The following ROBO3 variants were observed in gnomAD, a reference collection of about 807,000 sequenced individuals.
ROBO3 encodes the protein roundabout guidance receptor 3.
ROBO3 carries 97 observed loss-of-function variants against 160.5 expected under a neutral mutation model. The observed-to-expected ratio is 0.60, with a 90% CI of 0.51 to 0.72. ROBO3 has a LOEUF of 0.72. Ranked by LOEUF, ROBO3 falls within the 30% of genes least tolerant of loss-of-function variation. ROBO3 has a pLI of 0.00. For synonymous variants in ROBO3, 780 were observed against 746.2 expected (o/e 1.05, Z -0.74); for missense variants, 1,858 against 1,846.5 (o/e 1.01, Z -0.11).
chr11:124,874,713 T>C lies in ROBO3; in HGVS notation c.1952-75T>C, dbSNP rs1591513602. ...AGTACTAAGTGGAGCAGGGCAGAGG[T>C]AGGACACGAGCACACTCTCAGCCCT... On this transcript the variant is annotated intron_variant, in intron 12 of 27. Transcript: ENST00000397801. 1.1e-5 allele frequency: 16 copies of C among 1,498,680 alleles called. No homozygotes were observed. In the East Asian group the frequency reaches 3.8e-4, roughly 36 times the overall value. 92.8% of individuals were successfully genotyped at this position (1,498,680 alleles called of 1,614,324 possible). A position where few individuals can be genotyped will look rare whatever the true frequency, so the allele number is the denominator to read the frequency against.
At position 124,878,280 on chromosome 11, in the gene ROBO3, C is replaced by G. The variant is rs774769738; in HGVS notation, c.3182-18C>G. On this transcript the variant is annotated intron_variant, in intron 21 of 27. Coordinates refer to ENST00000397801, the MANE Select transcript of ROBO3 (RefSeq NM_022370.4). This position sits in a 1 kb window ranked among gnomAD's most constrained non-coding sequence, Gnocchi z 4.3. ...TTTCCTGCCTGTTCTCCGGGTGTCC[C>G]CATCCTATTCTCCTCAGGAGCCAAG... 4 of 1,611,354 alleles carry G rather than the reference C, an allele frequency of 2.5e-6. No individual in the cohort carries two copies. Among genetic ancestry groups the G allele is most frequent in the Admixed American group, 1.7e-5 (1 of 59,684 alleles).
At position 124,876,722 on chromosome 11, in the gene ROBO3, A is replaced by G. The variant is rs1045134645; in HGVS notation, c.2779+262A>G. ...CACGAGGAGGCCAGGCTTTGCAACC[A>G]TCTCCATAAAGAAGGGGCAAGTTCG... On this transcript the variant is annotated intron_variant, in intron 17 of 27. Coordinates refer to ENST00000397801, the MANE Select transcript of ROBO3 (RefSeq NM_022370.4). This position sits in a 1 kb window ranked among gnomAD's most constrained non-coding sequence, Gnocchi z 5.3. The G allele has an allele frequency of 7.8e-5, 22 of 281,398 alleles. No homozygotes were observed. The highest frequency in any genetic ancestry group is 5.1e-4 in the African/African-American group (22 of 42,936). The allele number at this position is 281,398 out of a possible 1,614,324, so 17.4% of individuals were successfully genotyped here. A position where few individuals can be genotyped will look rare whatever the true frequency, so the allele number is the denominator to read the frequency against.
intron 1 of ROBO3, among the ~76,000 whole-genome samples, chr11:124,867,280 T>A (rs1316903370): frequency 6.6e-6 from 1 of 152,212 alleles, no homozygotes; most frequent in Non-Finnish European, 1.5e-5. Flanking sequence ...GGCAGAGTAG[T>A]GACGTTTATC....
At position 124,878,163 on chromosome 11, in the gene ROBO3, C is replaced by A. The variant is rs1946451637; in HGVS notation, c.3181+32C>A. 2 of 1,581,582 alleles carry A rather than the reference C, an allele frequency of 1.3e-6. No homozygotes were observed. Among genetic ancestry groups the A allele is most frequent in the Non-Finnish European group, 1.7e-6 (2 of 1,162,598 alleles). On this transcript the variant is annotated intron_variant, in intron 21 of 27. Coordinates refer to ENST00000397801, the MANE Select transcript of ROBO3 (RefSeq NM_022370.4). The surrounding 1 kb of genome is among the most constrained non-coding windows in gnomAD (Gnocchi z 4.3). ...CTCCAACTCCTGAAACCCCGTTTAG[C>A]CCTGACCAGGGTATCCCCAAAGAGG...
chr11:124,871,119 G>A lies in ROBO3; in HGVS notation c.1139G>A (p.Trp380Ter), dbSNP rs1946275711. 1.9e-6 allele frequency: 3 copies of A among 1,613,272 alleles called. No individual in the cohort carries two copies. Among genetic ancestry groups the A allele is most frequent in the Non-Finnish European group, 2.5e-6 (3 of 1,179,514 alleles). The change falls in exon 7 of 28, where the codon TGG becomes TAG. Residue 380 changes from tryptophan (W) to a stop codon, truncating the protein, a stop_gained. Transcript: ENST00000397801. LOFTEE classifies it high-confidence loss of function. ...GGAAACCCCCCACCTGCCATCTTCT[G>A]GCAGAAGGAGGGGAGTCAGGTGGGT... ...TKGNPPPAIFWQKEGSQVLLF... is the reference protein window; with the variant it reads ...TKGNPPPAIF
Position 124,869,057 on chromosome 11 carries a change from G to T in ROBO3, c.416G>T (p.Gly139Val), listed in dbSNP as rs1946243211. 6.2e-7 allele frequency: 1 copy of T among 1,603,624 alleles called. No individual in the cohort carries two copies. Among genetic ancestry groups the T allele is most frequent in the Non-Finnish European group, 8.5e-7 (1 of 1,175,572 alleles). The change falls in exon 2 of 28, where the codon GGT becomes GTT. Residue 139 changes from glycine to valine, a missense_variant. By Grantham distance (109) the Gly-to-Val change is moderately radical. Coordinates refer to ENST00000397801, the MANE Select transcript of ROBO3 (RefSeq NM_022370.4). The surrounding 1 kb of genome is among the most constrained non-coding windows in gnomAD (Gnocchi z 4.2). ...GGGCGCCGCGCGCGGCCGGACGAAG[G>T]TGTCTACACTTGCGTGGCTCGCAAC... Reference protein sequence around the residue: ...VHGRRARPDEGVYTCVARNYL... With the variant: ...VHGRRARPDEVVYTCVARNYL...
intron 12 of ROBO3, 80 bp from the exon 13 acceptor site, chr11:124,874,708 A>C: frequency 6.8e-7 from 1 of 1,480,166 alleles, no homozygotes; most frequent in Non-Finnish European, 9.1e-7. Flanking sequence ...GGAGCAGGGC[A>C]GAGGTAGGAC....
chr11:124,879,415 TC>T (rs1245744814), intron 24 of ROBO3, 49 bp from the exon 25 acceptor site: 1 of 1,608,652 alleles, frequency 6.2e-7, no homozygotes. Flanking sequence ...TAGGCCTTTT[TC>T]CTGATTTTTG....
rs1256898519 is a variant in ROBO3, at chr11:124,875,224, T to A, written c.2187T>A (p.Thr729=). 1 of 1,613,898 alleles carries A rather than the reference T, an allele frequency of 6.2e-7. No individual in the cohort carries two copies. The highest frequency in any genetic ancestry group is 8.5e-7 in the Non-Finnish European group (1 of 1,179,862). The change falls in exon 14 of 28, where the codon ACT becomes ACA. Residue 729 remains threonine (T), a synonymous_variant. Transcript: ENST00000397801. The part of the protein sequence containing the change: ...LDLQSPSQQS[T]VLRGLPPGTQ... ...TACAGTCCCCAAGCCAGCAAAGTAC[T>A]GTGCTAAGAGGACTCCCTCCAGGGA... is the stretch of plus-strand genomic sequence containing the variant.
chr11:124,881,157 A>G, intron 27 of ROBO3, 82 bp from the exon 28 acceptor site: 1 of 1,407,642 alleles, frequency 7.1e-7, no homozygotes, highest in Non-Finnish European at 9.9e-7. Context: ...CTGGGTTAGG[A>G]GAGAGAAAGC....
In ROBO3 at chr11:124,881,363, A is replaced by G. The variant is rs1946580008; in HGVS notation, c.*113A>G. ...TAGCTGAAGCCCATTGGTTTCCACG[A>G]TTTCAATTGGCTGAGAAGGCAGAGA... On this transcript the variant is annotated 3_prime_UTR_variant, in exon 28 of 28. Transcript: ENST00000397801. 3.8e-6 allele frequency: 4 copies of G among 1,051,982 alleles called. No homozygotes were observed. The South Asian group carries it at 5.6e-5, about 15-fold the overall frequency. 65.2% of individuals were successfully genotyped at this position (1,051,982 alleles called of 1,614,324 possible).
chr11:124,866,083 G>T (rs908343919), intron 1 of ROBO3, among the ~76,000 whole-genome samples: 3 of 152,218 alleles, frequency 2.0e-5, no homozygotes, highest in Non-Finnish European at 2.9e-5. Context: ...GGGCAGAGGA[G>T]GGGGCACAGT....
Position 124,869,275 on chromosome 11 carries a change from C to T in ROBO3, c.487+147C>T, listed in dbSNP as rs1946246218. 8.9e-7 allele frequency: 1 copy of T among 1,119,352 alleles called. No individual in the cohort carries two copies. The highest frequency in any genetic ancestry group is 2.5e-5 in the East Asian group (1 of 39,292). The allele number at this position is 1,119,352 out of a possible 1,614,324, so 69.3% of individuals were successfully genotyped here. On this transcript the variant is annotated intron_variant, in intron 2 of 27. Transcript: ENST00000397801. The surrounding 1 kb of genome is among the most constrained non-coding windows in gnomAD (Gnocchi z 4.2). ...GACCGCGACCTTTGATCTCTAATGG[C>T]CACACCACGGCCAGAGAAGGAAGTG...
rs773247616 is a variant in ROBO3 at position 124,874,888 on chromosome 11, G to A, written c.2052G>A (p.Arg684=). 1.2e-6 allele frequency: 2 copies of A among 1,603,464 alleles called. No homozygotes were observed. The highest frequency in any genetic ancestry group is 1.7e-6 in the Non-Finnish European group (2 of 1,175,214). The change falls in exon 13 of 28, where the codon CGG becomes CGA. Residue 684 remains arginine, a synonymous_variant. Coordinates refer to ENST00000397801, the MANE Select transcript of ROBO3 (RefSeq NM_022370.4). ...RLQEPIVLGP[R]TLQVSWTVDG... is the part of the protein sequence containing the mutation. ...AGGAGCCCATAGTCCTGGGACCCCG[G>A]ACCCTGCAGGTGTCCTGGACTGTGA...
chr11:124,875,811 G>A (rs2135334421), intron 15 of ROBO3, 126 bp downstream of exon 15: 1 of 1,446,664 alleles, frequency 6.9e-7, no homozygotes, highest in East Asian at 2.3e-5. Flanking sequence ...GATGAGTTTA[G>A]GGGAGAAGAG....
At chr11:124,875,393 A>ATCTC in intron 14 of ROBO3, 57 bp downstream of exon 14, 1 of 812,272 alleles carries the variant, frequency 1.2e-6, no homozygotes. Context: ...GTGGGGGTGG[A>ATCTC]GGTGGAGGGG....
intron 19 of ROBO3, 57 bp downstream of exon 19, chr11:124,877,366 C>G: frequency 1.9e-6 from 3 of 1,607,608 alleles, no homozygotes; most frequent in Non-Finnish European, 2.6e-6. Context: ...CACTCTTCTT[C>G]CGCCCCGCTG....
Position 124,876,175 on chromosome 11 carries a change from GCC to G in ROBO3, c.2593+55_2593+56del, listed in dbSNP as rs756375581. On this transcript the variant is annotated intron_variant, in intron 16 of 27. Transcript: ENST00000397801. This position sits in a 1 kb window ranked among gnomAD's most constrained non-coding sequence, Gnocchi z 5.3. ...GAGGATCTTGACGGGGGCGGGGCAA[GCC>G]CCCCACTGGGGTAGCTGTGCCTGCC... is the stretch of plus-strand genomic sequence containing the variant. 1 of 1,551,766 alleles carries G rather than the reference GCC, an allele frequency of 6.4e-7. No homozygotes were observed. Among genetic ancestry groups the G allele is most frequent in the African/African-American group, 1.4e-5 (1 of 73,852 alleles).
Position 124,872,854 on chromosome 11 carries a change from CCT to C in ROBO3, c.1331-29_1331-28del. The stretch of plus-strand genomic sequence containing the variant: ...TGCCCGCGGGGCCCTAAGCTCCTCC[CCT>C]GAGGTGCACACGTTCTTCCTCTCTC... On this transcript the variant is annotated intron_variant, in intron 8 of 27. Coordinates refer to ENST00000397801, the MANE Select transcript of ROBO3 (RefSeq NM_022370.4). This position sits in a 1 kb window ranked among gnomAD's most constrained non-coding sequence, Gnocchi z 4.3. 1.3e-6 allele frequency: 2 copies of C among 1,538,152 alleles called. No homozygotes were observed. The highest frequency in any genetic ancestry group is 1.8e-6 in the Non-Finnish European group (2 of 1,138,110).
Sources: gnomAD v4.1 joint callset for allele counts (sites outside exome capture counted in the v4.1 genomes callset) on GRCh38, gnomAD v4.1.1 for gene constraint, Gnocchi (gnomAD v3.1) non-coding constraint, MANE v1.5 for transcripts, NCBI Gene and HGNC (gene_info 2026-07-23, HGNC 2026-07-21) for gene names.